Variants in ANKK1 observed in about 807,000 individuals in gnomAD.
The protein encoded by ANKK1 is ankyrin repeat and protein kinase domain-containing protein 1.
ANKK1 carries 37 observed loss-of-function variants against 37.6 expected under a neutral mutation model. The observed-to-expected ratio is 0.98, with a 90% CI of 0.76 to 1.29. The LOEUF (loss-of-function observed/expected upper bound fraction) is 1.29. Ranked by LOEUF, ANKK1 falls within the 50% of genes most tolerant of loss-of-function variation. The probability of loss-of-function intolerance (pLI) is 0.00; values close to 1 mark genes in which losing one functional copy is unlikely to be tolerated. For synonymous variants in ANKK1, 415 were observed against 418.7 expected, an observed-to-expected ratio of 0.99 and a Z score of 0.11; for missense variants, 1,019 against 990.6, an observed-to-expected ratio of 1.03 and a Z score of -0.39.
chr11:113,396,156 C>A lies in ANKK1; in HGVS notation c.772C>A (p.Gln258Lys). 2 of 1,613,966 alleles carry A rather than the reference C, an allele frequency of 1.2e-6. No homozygotes were observed. Among genetic ancestry groups the A allele is most frequent in the Non-Finnish European group, 1.7e-6 (2 of 1,179,890 alleles). Residue 258 changes from glutamine to lysine, a missense_variant, in exon 5 of 8, where the codon CAG (glutamine) becomes AAG (lysine). Gln to Lys is a moderately conservative substitution (Grantham distance 53, BLOSUM62 1). Coordinates refer to ENST00000303941, the MANE Select transcript of ANKK1 (RefSeq NM_178510.2). ...PVSDQWPSEA[Q>K]QMVDLMKRCW... ...CTCTGACCAATGGCCAAGCGAGGCC[C>A]AGCAGATGGTGGACCTGATGAAACG...
At chr11:113,391,562 C>T (rs1950587596) in intron 1 of ANKK1, among the ~76,000 whole-genome samples, 2 of 151,842 alleles carry the variant, frequency 1.3e-5, no homozygotes, top group South Asian at 2.1e-4. Flanking sequence ...GCAGGATTTG[C>T]GAAGACTTGG....
Position 113,399,195 on chromosome 11 carries a change from A to G in ANKK1, c.1226A>G (p.Asp409Gly), listed in dbSNP as rs1178409200. The change falls in exon 8 of 8, where the codon GAC becomes GGC. Residue 409 changes from aspartate (D) to glycine (G), a missense_variant. Transcript: ENST00000303941. The part of the protein sequence containing the change: ...LLIAAQDQQP[D>G]LCALLLAHGA... ...ATCGCCGCCCAGGACCAGCAACCCG[A>G]CCTCTGTGCCCTGCTTTTGGCACAT... is the stretch of plus-strand genomic sequence containing the variant. 3.7e-6 allele frequency: 6 copies of G among 1,601,952 alleles called. No homozygotes were observed. The highest frequency in any genetic ancestry group is 2.3e-5 in the South Asian group (2 of 88,384).
chr11:113,388,541 C>T (rs1950564553), intron 1 of ANKK1, among the ~76,000 whole-genome samples: 1 of 152,152 alleles, frequency 6.6e-6, no homozygotes, highest in South Asian at 2.1e-4. Context: ...TCTCTTCCCA[C>T]GGTGGCGGGA....
chr11:113,391,092 G>T (rs1950583888), intron 1 of ANKK1, among the ~76,000 whole-genome samples: 1 of 152,184 alleles, frequency 6.6e-6, no homozygotes, highest in South Asian at 2.1e-4. Context: ...TTTGAGTAGA[G>T]ATTTGAAGGA....
At chr11:113,388,378 C>T (rs1445298005) in intron 1 of ANKK1, among the ~76,000 whole-genome samples, 1 of 152,324 alleles carries the variant, frequency 6.6e-6, no homozygotes, top group Middle Eastern at 3.4e-3. Flanking sequence ...TGCTTCCATC[C>T]TTCTCTCCAG....
intron 1 of ANKK1, among the ~76,000 whole-genome samples, chr11:113,390,562 C>A (rs1950579365): frequency 6.6e-6 from 1 of 152,078 alleles, no homozygotes; most frequent in South Asian, 2.1e-4. Flanking sequence ...TGGTGAAACT[C>A]CATCTCTACT....
At position 113,399,743 on chromosome 11, in the gene ANKK1, C is replaced by T. The variant is rs1324078339; in HGVS notation, c.1774C>T (p.Gln592Ter). The change falls in exon 8 of 8, where the codon CAG (glutamine) becomes TAG (stop). Residue 592 changes from glutamine to a stop codon, truncating the protein, a stop_gained. Transcript: ENST00000303941. LOFTEE classifies it low-confidence loss of function (END_TRUNC). ...AGCCAGCCTTGAGCTGCCCACCCACCAGGGCTGGACACCCCTGCATCTAGC... is the reference window on the plus strand; with the variant it reads ...AGCCAGCCTTGAGCTGCCCACCCACTAGGGCTGGACACCCCTGCATCTAGC... ...YGASLELPTH[Q>*]GWTPLHLAAY... The T allele has an allele frequency of 9.4e-6, 15 of 1,602,724 alleles. No homozygotes were observed. The highest frequency in any genetic ancestry group is 1.3e-5 in the Non-Finnish European group (15 of 1,174,916).
intron 1 of ANKK1, 127 bp from the exon 2 acceptor site, chr11:113,393,354 C>T (rs996750264): frequency 1.0e-6 from 1 of 985,510 alleles, no homozygotes; most frequent in African/African-American, 1.6e-5. Context: ...TCTTCCACTA[C>T]CTTGCAAGCT....
chr11:113,396,071 C>T lies in ANKK1; in HGVS notation c.687C>T (p.Phe229=). The T allele has an allele frequency of 6.2e-7, 1 of 1,613,946 alleles. No individual in the cohort carries two copies. Among genetic ancestry groups the T allele is most frequent in the Non-Finnish European group, 8.5e-7 (1 of 1,179,844 alleles). The change falls in exon 5 of 8, where the codon TTC becomes TTT. Residue 229 remains phenylalanine, a synonymous_variant. Coordinates refer to ENST00000303941, the MANE Select transcript of ANKK1 (RefSeq NM_178510.2). ...LLTQKKPYSG[F]NMMMIIIRVA... Reference sequence around the variant, plus strand: ...AGCCTGAGCCTCCCTTTGCAGGGTTCAACATGATGATGATTATTATCCGAG... The same window carrying T: ...AGCCTGAGCCTCCCTTTGCAGGGTTTAACATGATGATGATTATTATCCGAG...
intron 5 of ANKK1, among the ~76,000 whole-genome samples, chr11:113,396,605 G>A (rs889638242): frequency 6.6e-6 from 1 of 152,096 alleles, no homozygotes; most frequent in African/African-American, 2.4e-5. Context: ...CTCCCAAAGT[G>A]CTGGGATTAC....
intron 7 of ANKK1, 26 bp downstream of exon 7, chr11:113,398,042 C>T: frequency 1.9e-6 from 3 of 1,561,846 alleles, no homozygotes; most frequent in Non-Finnish European, 2.6e-6. Flanking sequence ...ACGGGCGGGA[C>T]CAGAGAACTC....
Position 113,400,132 on chromosome 11 carries a change from G to T in ANKK1, c.2163G>T (p.Gln721His), listed in dbSNP as rs1950691167. 8.7e-6 allele frequency: 14 copies of T among 1,609,886 alleles called. No individual in the cohort carries two copies. The highest frequency in any genetic ancestry group is 1.1e-5 in the Non-Finnish European group (13 of 1,178,268). ...AGGCAGGCGCCCAGCTGGACGTCCA[G>T]GATGGAGTGAGCTGCACACCCCTGC... Reference protein sequence around the residue: ...LVEAGAQLDVQDGVSCTPLQL... With the variant: ...LVEAGAQLDVHDGVSCTPLQL... Residue 721 changes from glutamine (Q) to histidine (H), a missense_variant, in exon 8 of 8, where the codon CAG becomes CAT. Transcript: ENST00000303941.
At chr11:113,392,420 G>A (rs1238339471) in intron 1 of ANKK1, among the ~76,000 whole-genome samples, 1 of 152,218 alleles carries the variant, frequency 6.6e-6, no homozygotes, top group Non-Finnish European at 1.5e-5. Flanking sequence ...TAGCCAACAT[G>A]TCCAGATGCC....
intron 6 of ANKK1, 30 bp downstream of exon 6, chr11:113,397,372 G>A (rs1211940821): frequency 1.9e-6 from 3 of 1,580,004 alleles, no homozygotes; most frequent in Non-Finnish European, 2.6e-6. Flanking sequence ...AGTCCTTATG[G>A]TCATGCTAAG....
chr11:113,399,326 T>C lies in ANKK1; in HGVS notation c.1357T>C (p.Cys453Arg). 6.2e-7 allele frequency: 1 copy of C among 1,600,362 alleles called. No homozygotes were observed. The highest frequency in any genetic ancestry group is 8.5e-7 in the Non-Finnish European group (1 of 1,173,848). ...GCGCCTGCTCCTGGACCACGGGGCC[T>C]GTGTGGATGCCCAGGAACGTGAAGG... ...TARLLLDHGA[C>R]VDAQEREGWT... The change falls in exon 8 of 8, where the codon TGT becomes CGT. Residue 453 changes from cysteine (C) to arginine (R), a missense_variant. Physicochemically the swap from Cys to Arg is radical, Grantham distance 180. Transcript: ENST00000303941.
rs780692423 is a variant in ANKK1, at chr11:113,396,085, T to C, written c.701T>C (p.Ile234Thr). The part of the protein sequence containing the change: ...KPYSGFNMMM[I>T]IIRVAAGMRP... ...TTTGCAGGGTTCAACATGATGATGA[T>C]TATTATCCGAGTGGCGGCAGGCATG... Residue 234 changes from isoleucine (I) to threonine (T), a missense_variant, in exon 5 of 8, where the codon ATT (isoleucine) becomes ACT (threonine). Coordinates refer to ENST00000303941, the MANE Select transcript of ANKK1 (RefSeq NM_178510.2). The C allele has an allele frequency of 6.2e-7, 1 of 1,614,006 alleles. No individual in the cohort carries two copies. The highest frequency in any genetic ancestry group is 1.1e-5 in the South Asian group (1 of 91,080).
chr11:113,390,758 A>C (rs1950581466), intron 1 of ANKK1, among the ~76,000 whole-genome samples: 1 of 151,970 alleles, frequency 6.6e-6, no homozygotes, highest in South Asian at 2.1e-4. Flanking sequence ...AAACAAAGCA[A>C]AAAAAAGGCA....
Position 113,388,058 on chromosome 11 carries a change from C to A in ANKK1, c.174C>A (p.Pro58=), listed in dbSNP as rs1312238132. 1.3e-6 allele frequency: 2 copies of A among 1,508,438 alleles called. No homozygotes were observed. Among genetic ancestry groups the A allele is most frequent in the Non-Finnish European group, 1.8e-6 (2 of 1,125,372 alleles). The allele number at this position is 1,508,438 out of a possible 1,614,324, so 93.4% of individuals were successfully genotyped here. The change falls in exon 1 of 8, where the codon CCC becomes CCA. Residue 58 remains proline (P), a synonymous_variant. Coordinates refer to ENST00000303941, the MANE Select transcript of ANKK1 (RefSeq NM_178510.2). ...TCAAGTGCGCCCCCTGCCTTCCACC[C>A]GACGCCGCCAGGTACTGCCAGCCTC... ...YAIKCAPCLP[P]DAASSDVNYL...
intron 1 of ANKK1, 140 bp downstream of exon 1, chr11:113,388,209 A>C (rs1359542696): frequency 1.3e-5 from 15 of 1,170,094 alleles, no homozygotes; most frequent in Non-Finnish European, 1.7e-5. Context: ...AATTCCACCC[A>C]GTAGCCTGAG....
Sources: allele counts gnomAD v4.1 joint callset (sites outside exome capture counted in the v4.1 genomes callset), GRCh38; gene constraint gnomAD v4.1.1; transcripts MANE v1.5; gene names NCBI Gene and HGNC (gene_info 2026-07-23, HGNC 2026-07-21).